The following INTS4 variants were observed in gnomAD, a reference collection of about 807,000 sequenced individuals.
The protein encoded by INTS4 is MSTP093.
A neutral mutation model predicts 119.5 loss-of-function variants in INTS4; 70 were observed. The observed-to-expected ratio is 0.59, with a 90% CI of 0.48 to 0.71. The LOEUF (loss-of-function observed/expected upper bound fraction) is 0.71, where lower values mean the gene tolerates loss of function less well. Ranked by LOEUF, INTS4 falls within the 30% of genes least tolerant of loss-of-function variation. INTS4 has a pLI of 0.00. For synonymous variants in INTS4, 316 were observed against 419.6 expected (o/e 0.75, Z 3.02); for missense variants, 867 against 1,173.2 (o/e 0.74, Z 3.81).
At chr11:77,875,280 A>T (rs1951564648), downstream of INTS4, among the ~76,000 whole-genome samples, 1 of 152,226 alleles carries the variant, frequency 6.6e-6, no homozygotes, top group Non-Finnish European at 1.5e-5. Context: ...ACATTCTTAC[A>T]GTCCAGGTAC....
intron 22 of INTS4, among the ~76,000 whole-genome samples, 171 bp downstream of exon 22, chr11:77,883,659 AAT>A (rs1033226854): frequency 6.6e-6 from 1 of 152,158 alleles, no homozygotes; most frequent in African/African-American, 2.4e-5. Flanking sequence ...AATTAGCCCA[AAT>A]ATACCCAGTT....
intron 7 of INTS4, among the ~76,000 whole-genome samples, chr11:77,958,313 G>C (rs1954381737): frequency 6.6e-6 from 1 of 151,866 alleles, no homozygotes; most frequent in African/African-American, 2.4e-5. Flanking sequence ...AATCACTGTG[G>C]TTAATTTAAT....
intron 15 of INTS4, among the ~76,000 whole-genome samples, chr11:77,914,192 AAC>A (rs1351154119): frequency 6.6e-6 from 1 of 152,220 alleles, no homozygotes; most frequent in African/African-American, 2.4e-5. Flanking sequence ...TCAAGCTAGA[AAC>A]ACAGAGCCCC....
intron 2 of INTS4, 49 bp downstream of exon 2, chr11:77,991,059 G>C: frequency 6.7e-7 from 1 of 1,499,128 alleles, no homozygotes; most frequent in Non-Finnish European, 9.2e-7. Flanking sequence ...CTGCAGACAT[G>C]ATACAACTCC....
chr11:77,928,669 A>C, intron 10 of INTS4, 122 bp from the exon 11 acceptor site: 4 of 1,418,034 alleles, frequency 2.8e-6, no homozygotes, highest in Non-Finnish European at 3.8e-6. Context: ...CAATGTGGTA[A>C]AACTCTGTTT....
intron 4 of INTS4, chr11:77,978,313 A>G (rs945891361): frequency 6.6e-6 from 1 of 152,226 alleles, no homozygotes; most frequent in East Asian, 1.9e-4. Flanking sequence ...TTTCAAGAAT[A>G]TAATACTCTA....
At chr11:77,905,084 T>C (rs1479865106) in intron 16 of INTS4, among the ~76,000 whole-genome samples, 1 of 152,050 alleles carries the variant, frequency 6.6e-6, no homozygotes, top group Non-Finnish European at 1.5e-5. Flanking sequence ...TAAATCTGAG[T>C]GTACTAAGTG....
chr11:77,892,146 A>G (rs1292612568), intron 19 of INTS4, among the ~76,000 whole-genome samples: 1 of 152,232 alleles, frequency 6.6e-6, no homozygotes, highest in Non-Finnish European at 1.5e-5. Context: ...TAGATTCATT[A>G]ATTATTTTAA....
At chr11:77,979,623 T>C (rs1240223655) in intron 3 of INTS4, among the ~76,000 whole-genome samples, 3 of 151,298 alleles carry the variant, frequency 2.0e-5, no homozygotes, top group Non-Finnish European at 4.4e-5. Flanking sequence ...ATACATAGTG[T>C]GCTCCAAAAA....
chr11:77,978,867 T>A (rs754526452), intron 4 of INTS4, 129 bp downstream of exon 4: 2 of 597,936 alleles, frequency 3.3e-6, no homozygotes, highest in Non-Finnish European at 6.2e-6. Flanking sequence ...ATAACAAGTG[T>A]ACTTAACTTT....
chr11:77,890,082 T>C (rs541547989), intron 21 of INTS4, among the ~76,000 whole-genome samples: 1 of 152,346 alleles, frequency 6.6e-6, no homozygotes, highest in African/African-American at 2.4e-5. Context: ...CCTATTCATC[T>C]GTTCTTCTTA....
intron 21 of INTS4, among the ~76,000 whole-genome samples, chr11:77,890,927 G>A (rs1025680222): frequency 3.3e-5 from 5 of 152,080 alleles, no homozygotes; most frequent in African/African-American, 1.2e-4. Context: ...AATTTTATCT[G>A]CCAGCCGACT....
At chr11:77,935,351 T>C (rs1349400113) in intron 10 of INTS4, among the ~76,000 whole-genome samples, 1 of 152,104 alleles carries the variant, frequency 6.6e-6, no homozygotes, top group Non-Finnish European at 1.5e-5. Context: ...TCTCCCTGAG[T>C]TGAGAAGATT....
chr11:77,971,713 T>C (rs1392380119), intron 4 of INTS4, among the ~76,000 whole-genome samples: 1 of 152,242 alleles, frequency 6.6e-6, no homozygotes, highest in East Asian at 1.9e-4. Context: ...TTTCCCATAC[T>C]GTGGGTTGTC....
At chr11:77,965,235 G>C (rs1459134869) in intron 4 of INTS4, among the ~76,000 whole-genome samples, 1 of 152,050 alleles carries the variant, frequency 6.6e-6, no homozygotes, top group Non-Finnish European at 1.5e-5. Flanking sequence ...TACTTCTGTA[G>C]AGACAGAGTC....
chr11:77,889,614 C>T (rs1436251455), intron 21 of INTS4, among the ~76,000 whole-genome samples: 1 of 152,096 alleles, frequency 6.6e-6, no homozygotes, highest in African/African-American at 2.4e-5. Flanking sequence ...AACAGATCTA[C>T]AGTATTTTAA....
At chr11:77,965,643 C>A (rs1018120758) in intron 4 of INTS4, among the ~76,000 whole-genome samples, 14 of 152,194 alleles carry the variant, frequency 9.2e-5, no homozygotes, top group Admixed American at 3.3e-4. Context: ...TACATGTTGT[C>A]ATGAATGACA....
intron 22 of INTS4, 129 bp downstream of exon 22, chr11:77,883,703 A>C: frequency 9.8e-7 from 1 of 1,021,856 alleles, no homozygotes; most frequent in Non-Finnish European, 1.4e-6. Flanking sequence ...TTATAAACTC[A>C]TTAAGTTCAA....
At chr11:77,934,522 T>G (rs1953744581) in intron 10 of INTS4, among the ~76,000 whole-genome samples, 1 of 152,064 alleles carries the variant, frequency 6.6e-6, no homozygotes, top group Admixed American at 6.5e-5. Flanking sequence ...AGAGGTGGGA[T>G]TACGGATGTT....
Sources: allele counts gnomAD v4.1 joint callset (sites outside exome capture counted in the v4.1 genomes callset), GRCh38; gene constraint gnomAD v4.1.1; transcripts MANE v1.5; gene names NCBI Gene and HGNC (gene_info 2026-07-23, HGNC 2026-07-21).